Variants in ESRRG observed in about 807,000 individuals in gnomAD.
The protein encoded by ESRRG is estrogen-related receptor gamma.
Under a neutral mutation model 44.0 loss-of-function variants are expected in ESRRG, and 13 were observed. The observed-to-expected ratio is 0.30, with a 90% CI of 0.19 to 0.47. The LOEUF is 0.47. Ranked by LOEUF, ESRRG falls within the 20% of genes least tolerant of loss-of-function variation. The probability of loss-of-function intolerance (pLI) is 1.00; values close to 1 mark genes in which losing one functional copy is unlikely to be tolerated. For missense variants in ESRRG, 395 were observed against 580.6 expected (o/e 0.68, Z 3.29); for synonymous variants, 215 against 214.6 (o/e 1.00, Z -0.02).
intron 1 of ESRRG, among the ~76,000 whole-genome samples, chr1:216,702,502 C>G (rs113118676): frequency 2.0e-5 from 3 of 151,884 alleles, no homozygotes; most frequent in African/African-American, 7.2e-5. Context: ...GTGGCTCATG[C>G]CTGTAATCCC....
intron 2 of ESRRG, among the ~76,000 whole-genome samples, chr1:216,875,744 C>G (rs2096340940): frequency 6.6e-6 from 1 of 151,888 alleles, no homozygotes; most frequent in Admixed American, 6.6e-5. Flanking sequence ...TCGTATGTAT[C>G]TTTTGGTGCA....
chr1:216,722,063 T>C (rs2086452521), intron 1 of ESRRG, among the ~76,000 whole-genome samples: 1 of 152,000 alleles, frequency 6.6e-6, no homozygotes, highest in African/African-American at 2.4e-5. Flanking sequence ...AGACTGCAAG[T>C]CACTTTTCAT....
At chr1:216,833,788 G>A (rs1577057489) in intron 2 of ESRRG, among the ~76,000 whole-genome samples, 1 of 152,136 alleles carries the variant, frequency 6.6e-6, no homozygotes, top group South Asian at 2.1e-4. Context: ...GGGAAAATCT[G>A]CCAGCATTGT....
At chr1:216,800,953 A>G (rs1297959553) in intron 2 of ESRRG, among the ~76,000 whole-genome samples, 1 of 152,184 alleles carries the variant, frequency 6.6e-6, no homozygotes, top group Non-Finnish European at 1.5e-5. Flanking sequence ...TGTGGTATAC[A>G]ATGATATTCA....
chr1:216,654,005 C>A (rs1171128053), intron 2 of ESRRG, among the ~76,000 whole-genome samples: 1 of 151,094 alleles, frequency 6.6e-6, no homozygotes, highest in Non-Finnish European at 1.5e-5. Flanking sequence ...AACCTTTAGT[C>A]CCAGCCTCTT....
chr1:216,736,100 C>T lies in ESRRG; in HGVS notation c.-13-58609G>A, dbSNP rs528724048. ...GGGGGGAGTTTCCCAAATGCCCATT[C>T]CTAGGGTATTAATGAGTAACCTTTC... On this transcript the variant is annotated intron_variant, in intron 2 of 7. Coordinates refer to the ESRRG transcript ENST00000359162. Among the ~76,000 whole-genome samples, 9 of 150,618 alleles carry T rather than the reference C, an allele frequency of 6.0e-5. No homozygotes were observed. The South Asian group carries it at 1.9e-3, about 32-fold the overall frequency.
At chr1:216,531,611 T>A (rs187725689) in intron 5 of ESRRG, among the ~76,000 whole-genome samples, 1 of 152,214 alleles carries the variant, frequency 6.6e-6, no homozygotes, top group Non-Finnish European at 1.5e-5. Context: ...CTCTCGGAAT[T>A]CCTCAACCAT....
At chr1:217,007,553 T>C (rs1167928181) in intron 1 of ESRRG, among the ~76,000 whole-genome samples, 1 of 152,202 alleles carries the variant, frequency 6.6e-6, no homozygotes, top group Non-Finnish European at 1.5e-5. Context: ...TGACTTCCTT[T>C]GGAGGATAAG....
chr1:216,784,080 A>G (rs1003321556), intron 2 of ESRRG, among the ~76,000 whole-genome samples: 6 of 152,062 alleles, frequency 3.9e-5, no homozygotes, highest in African/African-American at 1.4e-4. Context: ...CAATTAAACA[A>G]GGCCATTAAA....
intron 1 of ESRRG, among the ~76,000 whole-genome samples, chr1:217,128,210 GAAGATCT>G (rs2092915978): frequency 6.6e-6 from 1 of 152,142 alleles, no homozygotes; most frequent in Non-Finnish European, 1.5e-5. Context: ...AAAATAAAAT[GAAGATCT>G]CATCCAAACC....
intron 1 of ESRRG, among the ~76,000 whole-genome samples, chr1:216,969,115 A>G (rs964910190): frequency 1.3e-5 from 2 of 151,998 alleles, no homozygotes; most frequent in Admixed American, 1.3e-4. Context: ...TCATTCATTC[A>G]CTCATGCATT....
At chr1:216,991,001 G>A (rs914250928) in intron 1 of ESRRG, among the ~76,000 whole-genome samples, 1 of 152,098 alleles carries the variant, frequency 6.6e-6, no homozygotes, top group Non-Finnish European at 1.5e-5. Flanking sequence ...ATAGCAGGAG[G>A]TGAGTGACAG....
chr1:216,856,982 G>C (rs1302498155), intron 2 of ESRRG, among the ~76,000 whole-genome samples: 2 of 152,050 alleles, frequency 1.3e-5, no homozygotes, highest in African/African-American at 2.4e-5. Context: ...ACAATAAGTA[G>C]AAGGCTATTA....
At chr1:216,998,677 A>G (rs2150607570) in intron 1 of ESRRG, among the ~76,000 whole-genome samples, 1 of 152,336 alleles carries the variant, frequency 6.6e-6, no homozygotes, top group African/African-American at 2.4e-5. Flanking sequence ...GGATAACCCT[A>G]ATTGCTATTT....
intron 2 of ESRRG, among the ~76,000 whole-genome samples, chr1:216,896,510 G>A (rs1400379992): frequency 6.6e-6 from 1 of 152,148 alleles, no homozygotes; most frequent in Non-Finnish European, 1.5e-5. Context: ...CTGCAAACTA[G>A]AGATAGGCAA....
chr1:216,936,703 G>C (rs1467995536), intron 2 of ESRRG: 2 of 150,362 alleles, frequency 1.3e-5, no homozygotes, highest in Non-Finnish European at 3.0e-5. Flanking sequence ...CACGGACCTT[G>C]AGGAAAAAAA....
chr1:217,080,662 GTTTTTTTGGTTTTTTTTTTTTTTTTT>G (rs1440800783), intron 1 of ESRRG, among the ~76,000 whole-genome samples: 24,356 of 128,878 alleles, frequency 0.19, 2,356 homozygotes, highest in Admixed American at 0.27. Context: ...TGTTTGTTTT[GTTTTTTTGGTTTTTTTTTTTTTTTTT>G]TTTTTTTGAG....
chr1:217,030,413 C>T (rs1275551213), intron 1 of ESRRG, among the ~76,000 whole-genome samples: 1 of 152,160 alleles, frequency 6.6e-6, no homozygotes, highest in African/African-American at 2.4e-5. Flanking sequence ...TCCCACTTTA[C>T]CTTTTAGGTT....
At chr1:216,954,623 C>G (rs1396843679) in intron 1 of ESRRG, among the ~76,000 whole-genome samples, 2 of 152,140 alleles carry the variant, frequency 1.3e-5, no homozygotes, top group African/African-American at 4.8e-5. Flanking sequence ...AGCATTCCAC[C>G]AGTTGAACAA....
Sources: allele counts gnomAD v4.1 joint callset (sites outside exome capture counted in the v4.1 genomes callset), GRCh38; gene constraint gnomAD v4.1.1; transcripts MANE v1.5; gene names NCBI Gene and HGNC (gene_info 2026-07-23, HGNC 2026-07-21).